The following SLC24A2 variants were observed in gnomAD, a reference collection of about 807,000 sequenced individuals.
The protein encoded by SLC24A2 is sodium/potassium/calcium exchanger 2.
SLC24A2 carries 36 observed loss-of-function variants against 62.0 expected under a neutral mutation model. The ratio of observed to expected loss-of-function variants is 0.58; its 90% CI spans 0.44 to 0.77. SLC24A2 has a LOEUF of 0.77. Among genes scored for constraint, SLC24A2 ranks in the 30% least tolerant of loss-of-function variants. SLC24A2 has a pLI of 0.00. For synonymous variants in SLC24A2, 358 were observed against 294.0 expected, an observed-to-expected ratio of 1.22 and a Z score of -2.23; for missense variants, 846 against 817.9, an observed-to-expected ratio of 1.03 and a Z score of -0.42.
the SLC24A2 span, among the ~76,000 whole-genome samples, chr9:19,936,916 A>G: frequency 6.6e-6 from 1 of 152,198 alleles, no homozygotes; most frequent in Non-Finnish European, 1.5e-5. Flanking sequence ...GGGTGGAGGC[A>G]GAGAGCAGAG....
chr9:19,841,118 A>G, the SLC24A2 span, among the ~76,000 whole-genome samples: 1 of 152,210 alleles, frequency 6.6e-6, no homozygotes, highest in Non-Finnish European at 1.5e-5. Flanking sequence ...CGTATTTATT[A>G]AGAGCTTACT....
chr9:20,202,958 G>T, the SLC24A2 span, among the ~76,000 whole-genome samples: 5 of 152,036 alleles, frequency 3.3e-5, no homozygotes, highest in African/African-American at 4.8e-5. Flanking sequence ...TTAATGCATT[G>T]GAGTAAAGTA....
the SLC24A2 span, among the ~76,000 whole-genome samples, chr9:19,828,168 CA>C: frequency 6.6e-6 from 1 of 151,704 alleles, no homozygotes; most frequent in African/African-American, 2.4e-5. Context: ...AATATGGATA[CA>C]AAAATACAGT....
the SLC24A2 span, among the ~76,000 whole-genome samples, chr9:20,012,443 G>A: frequency 6.6e-6 from 1 of 152,106 alleles, no homozygotes; most frequent in Non-Finnish European, 1.5e-5. Context: ...CGCAACATGT[G>A]GGAATTCAAA....
chr9:19,786,267 G>A lies in SLC24A2; in HGVS notation c.600C>T (p.His200=), dbSNP rs1487225397. 6.2e-7 allele frequency: 1 copy of A among 1,614,150 alleles called. No homozygotes were observed. The highest frequency in any genetic ancestry group is 8.5e-7 in the Non-Finnish European group (1 of 1,180,026). Residue 200 remains histidine (H), a synonymous_variant, in exon 2 of 11, where the codon CAC becomes CAT. Transcript: ENST00000341998. This position sits in a 1 kb window ranked among gnomAD's most constrained non-coding sequence, Gnocchi z 5.0. ...CAATTGTGCCTATGCCAACGTTGCT[G>A]TGAGCGATAAATACCCCTATGAGAG... is the stretch of plus-strand genomic sequence containing the variant. The part of the protein sequence containing the change: ...FTSLIGVFIA[H]SNVGIGTIVG...
At chr9:20,159,470 C>A in the SLC24A2 span, among the ~76,000 whole-genome samples, 24 of 151,572 alleles carry the variant, frequency 1.6e-4, no homozygotes, top group South Asian at 2.5e-3. Context: ...CATATTTTAA[C>A]CAATATATAA....
chr9:19,739,793 A>C (rs991756334), intron 2 of SLC24A2, among the ~76,000 whole-genome samples: 1 of 152,232 alleles, frequency 6.6e-6, no homozygotes, highest in Non-Finnish European at 1.5e-5. Flanking sequence ...AGCATTAACT[A>C]TACAGAAAAA....
intron 2 of SLC24A2, among the ~76,000 whole-genome samples, chr9:19,727,961 G>A (rs1019892364): frequency 2.6e-5 from 4 of 152,164 alleles, no homozygotes; most frequent in Non-Finnish European, 5.9e-5. Flanking sequence ...TAACCCTGAG[G>A]ACCTAAACAG....
At chr9:19,683,027 C>T (rs890377859) in intron 2 of SLC24A2, among the ~76,000 whole-genome samples, 1 of 151,996 alleles carries the variant, frequency 6.6e-6, no homozygotes. Flanking sequence ...AGGGACCCAC[C>T]GTGAAAAATC....
At chr9:19,824,678 C>T in the SLC24A2 span, among the ~76,000 whole-genome samples, 14 of 151,986 alleles carry the variant, frequency 9.2e-5, no homozygotes, top group African/African-American at 3.4e-4. Flanking sequence ...GGGTATATAC[C>T]CAAAGGTTTA....
the SLC24A2 span, among the ~76,000 whole-genome samples, chr9:20,153,466 G>C: frequency 2.0e-5 from 3 of 151,810 alleles, no homozygotes; most frequent in African/African-American, 7.3e-5. Flanking sequence ...CTTACCACGT[G>C]TTTCATCTCA....
the SLC24A2 span, among the ~76,000 whole-genome samples, chr9:20,222,547 G>A: frequency 1.3e-5 from 2 of 151,962 alleles, no homozygotes; most frequent in Non-Finnish European, 2.9e-5. Context: ...TTCAAAACTA[G>A]ACAAACTGTT....
the SLC24A2 span, among the ~76,000 whole-genome samples, chr9:20,155,832 C>T: frequency 1.3e-5 from 2 of 151,514 alleles, no homozygotes; most frequent in South Asian, 4.2e-4. Context: ...AATCAAAATC[C>T]ACCTATCCTG....
the SLC24A2 span, among the ~76,000 whole-genome samples, chr9:20,069,294 G>A: frequency 2.5e-4 from 38 of 152,122 alleles, no homozygotes; most frequent in Middle Eastern, 3.4e-3. Flanking sequence ...GTAAATTTTC[G>A]CCTCCTATAT....
the SLC24A2 span, among the ~76,000 whole-genome samples, chr9:20,014,645 T>C: frequency 6.6e-6 from 1 of 152,114 alleles, no homozygotes; most frequent in Non-Finnish European, 1.5e-5. Context: ...GGACAAGTAC[T>C]GCATGATCTC....
the SLC24A2 span, among the ~76,000 whole-genome samples, chr9:20,277,966 C>G: frequency 6.6e-6 from 1 of 152,226 alleles, no homozygotes; most frequent in South Asian, 2.1e-4. Flanking sequence ...AACCATCATT[C>G]TGAGCAAACT....
chr9:19,864,524 G>A, the SLC24A2 span, among the ~76,000 whole-genome samples: 2 of 152,012 alleles, frequency 1.3e-5, no homozygotes, highest in African/African-American at 4.8e-5. Flanking sequence ...TGTAAAGCAA[G>A]GATGGTTCAA....
the SLC24A2 span, among the ~76,000 whole-genome samples, chr9:20,177,085 A>G: frequency 1.3e-5 from 2 of 152,146 alleles, no homozygotes; most frequent in African/African-American, 2.4e-5. Context: ...AGGTCTCCAT[A>G]GCAAATATTA....
the SLC24A2 span, among the ~76,000 whole-genome samples, chr9:19,977,282 T>A: frequency 6.6e-6 from 1 of 152,034 alleles, no homozygotes; most frequent in Non-Finnish European, 1.5e-5. Flanking sequence ...TACATAAAAA[T>A]AAAAAGCGCT....
Sources: allele counts gnomAD v4.1 joint callset (sites outside exome capture counted in the v4.1 genomes callset), GRCh38; gene constraint gnomAD v4.1.1; non-coding constraint Gnocchi (gnomAD v3.1); transcripts MANE v1.5; gene names NCBI Gene and HGNC (gene_info 2026-07-23, HGNC 2026-07-21).